Variants in PITHD1 observed in about 807,000 individuals in gnomAD.
PITHD1 encodes the protein PITH domain-containing protein 1.
In PITHD1, 8 loss-of-function variants were observed where a neutral mutation model predicts 27.5. The ratio of observed to expected loss-of-function variants is 0.29; its 90% CI spans 0.17 to 0.52. PITHD1 has a LOEUF of 0.52. Ranked by LOEUF, PITHD1 falls within the 20% of genes least tolerant of loss-of-function variation. The pLI is 0.96. For synonymous variants in PITHD1, 118 were observed against 106.8 expected (o/e 1.10, Z -0.64); for missense variants, 233 against 283.9 (o/e 0.82, Z 1.29).
chr1:23,782,534 A>G (rs1638618051), intron 3 of PITHD1, among the ~76,000 whole-genome samples: 1 of 152,100 alleles, frequency 6.6e-6, no homozygotes, highest in Non-Finnish European at 1.5e-5. Context: ...ATTAAAGGTT[A>G]TGGTGAATTA....
At chr1:23,779,333 C>T (rs185566048) in intron 1 of PITHD1, 105 bp from the exon 2 acceptor site, 13 of 846,024 alleles carry the variant, frequency 1.5e-5, no homozygotes, top group Non-Finnish European at 2.4e-5. Context: ...GAGAGTGACT[C>T]TTCCCATTGC....
intron 4 of PITHD1, 47 bp from the exon 5 acceptor site, chr1:23,786,268 T>C (rs1557468451): frequency 4.7e-6 from 4 of 849,476 alleles, no homozygotes; most frequent in Non-Finnish European, 7.8e-6. Flanking sequence ...GAGATACTCA[T>C]TGAACTATAA....
At chr1:23,784,677 T>A (rs1638658047) in intron 3 of PITHD1, among the ~76,000 whole-genome samples, 1 of 152,182 alleles carries the variant, frequency 6.6e-6, no homozygotes, top group Non-Finnish European at 1.5e-5. Context: ...AGACAGCTGC[T>A]TTTTAGATTA....
At position 23,778,646 on chromosome 1, in the gene PITHD1, A is replaced by C; in HGVS notation, c.131A>C (p.Asn44Thr). ...GACCTGGAGCGGCTGCAATGCCTTA[A>C]CGAGAGCCGCGAGGGCAGCGGCCGC... ...RIDLERLQCL[N>T]ESREGSGRGV... Residue 44 changes from asparagine (N) to threonine (T), a missense_variant, in exon 1 of 6, where the codon AAC becomes ACC. Coordinates refer to ENST00000246151, the MANE Select transcript of PITHD1 (RefSeq NM_020362.5). 1 of 1,330,364 alleles carries C rather than the reference A, an allele frequency of 7.5e-7. No individual in the cohort carries two copies. 82.4% of individuals were successfully genotyped at this position (1,330,364 alleles called of 1,614,324 possible). A position where few individuals can be genotyped will look rare whatever the true frequency, so the allele number is the denominator to read the frequency against.
chr1:23,780,019 C>G (rs535703437), intron 3 of PITHD1, 78 bp downstream of exon 3: 2 of 797,220 alleles, frequency 2.5e-6, no homozygotes, highest in Non-Finnish European at 3.9e-6. Flanking sequence ...AGAATAGTAT[C>G]ATTTTCTTCT....
chr1:23,780,248 T>G (rs779066973), intron 3 of PITHD1, among the ~76,000 whole-genome samples: 21 of 152,244 alleles, frequency 1.4e-4, no homozygotes, highest in Non-Finnish European at 2.9e-4. Flanking sequence ...TCTTAATAAC[T>G]AGCTGCAGAT....
Position 23,781,462 on chromosome 1 carries a change from C to CAA in PITHD1, c.320+1537_320+1538dup, listed in dbSNP as rs34492133. 2.2e-3 allele frequency among the ~76,000 whole-genome samples: 272 copies of CAA among 126,230 alleles called. 1 individual carries two copies. Among genetic ancestry groups the CAA allele is most frequent in the Middle Eastern group, 8.5e-3 (2 of 236 alleles). 82.8% of individuals were successfully genotyped at this position (126,230 alleles called of 152,430 possible). On this transcript the variant is annotated intron_variant, in intron 3 of 5. Coordinates refer to ENST00000246151, the MANE Select transcript of PITHD1 (RefSeq NM_020362.5). ...TGGGCAACAGAGTGAGACTCTGTCT[C>CAA]AAAAAAAAAAAAAAAAATTCATCTG...
chr1:23,780,835 A>G (rs1192029551), intron 3 of PITHD1, among the ~76,000 whole-genome samples: 2 of 151,946 alleles, frequency 1.3e-5, no homozygotes, highest in Admixed American at 1.3e-4. Flanking sequence ...AGATCTCGCC[A>G]CTGCACTCCA....
intron 3 of PITHD1, among the ~76,000 whole-genome samples, chr1:23,781,397 A>G (rs1638599548): frequency 6.6e-6 from 1 of 150,740 alleles, no homozygotes; most frequent in Non-Finnish European, 1.5e-5. Flanking sequence ...GCGGAGGTGC[A>G]GGTTGCAGTG....
Position 23,784,926 on chromosome 1 carries a change from A to G in PITHD1, c.321-749A>G, listed in dbSNP as rs1366974714. On this transcript the variant is annotated intron_variant, in intron 3 of 5. Coordinates refer to ENST00000246151, the MANE Select transcript of PITHD1 (RefSeq NM_020362.5). ...TGGCGTGGTTTTTGGACACAAAAAA[A>G]TGCTTGAGCATTGGGTTACCTGATC... 2.6e-5 allele frequency among the ~76,000 whole-genome samples: 4 copies of G among 152,232 alleles called. No individual in the cohort carries two copies. In the East Asian group the frequency reaches 7.7e-4, roughly 29 times the overall value.
intron 1 of PITHD1, 31 bp downstream of exon 1, chr1:23,778,744 G>T: frequency 8.1e-7 from 1 of 1,227,932 alleles, no homozygotes; most frequent in Non-Finnish European, 1.0e-6. Context: ...GGCGGGCGGG[G>T]CAGGGTGCGT....
Position 23,787,332 on chromosome 1 carries a change from C to G in PITHD1, c.592C>G (p.His198Asp). ...NYEASANPAD[H>D]RVHQVTPQTH... ...CGAAGCATCTGCCAACCCAGCAGACCATAGGGTCCATCAGGTTACCCCACA... is the reference window on the plus strand; with the variant it reads ...CGAAGCATCTGCCAACCCAGCAGACGATAGGGTCCATCAGGTTACCCCACA... Residue 198 changes from histidine (H) to aspartate (D), a missense_variant, in exon 6 of 6, where the codon CAT (histidine) becomes GAT (aspartate). Transcript: ENST00000246151. The G allele has an allele frequency of 6.2e-7, 1 of 1,612,994 alleles. No homozygotes were observed. Among genetic ancestry groups the G allele is most frequent in the Non-Finnish European group, 8.5e-7 (1 of 1,179,084 alleles).
intron 4 of PITHD1, among the ~76,000 whole-genome samples, 185 bp downstream of exon 4, chr1:23,785,964 A>C (rs1638675848): frequency 6.6e-6 from 1 of 152,218 alleles, no homozygotes; most frequent in African/African-American, 2.4e-5. Context: ...CTTGCAAGCA[A>C]TTGGCAGATC....
intron 1 of PITHD1, among the ~76,000 whole-genome samples, chr1:23,778,950 C>T (rs1255670718): frequency 6.6e-6 from 1 of 152,182 alleles, no homozygotes; most frequent in African/African-American, 2.4e-5. Flanking sequence ...GCCTAACGCT[C>T]TATTCCAGGG....
At chr1:23,781,462 CAAAA>C (rs34492133) in intron 3 of PITHD1, among the ~76,000 whole-genome samples, 2 of 126,352 alleles carry the variant, frequency 1.6e-5, no homozygotes, top group Non-Finnish European at 3.4e-5. Context: ...GACTCTGTCT[CAAAA>C]AAAAAAAAAA....
chr1:23,779,985 C>A, intron 3 of PITHD1, 44 bp downstream of exon 3: 1 of 1,195,338 alleles, frequency 8.4e-7, no homozygotes, highest in Non-Finnish European at 1.2e-6. Context: ...TCCTAATTCT[C>A]TTTTTCTGGT....
chr1:23,783,109 ATC>A (rs1261656643), intron 3 of PITHD1, among the ~76,000 whole-genome samples: 1 of 149,854 alleles, frequency 6.7e-6, no homozygotes, highest in African/African-American at 2.5e-5. Context: ...CCATTCTCCC[ATC>A]TCAGCCTCCT....
intron 4 of PITHD1, 52 bp downstream of exon 4, chr1:23,785,831 A>T (rs766486905): frequency 9.4e-7 from 1 of 1,059,706 alleles, no homozygotes; most frequent in South Asian, 1.3e-5. Context: ...AGGGCTTGCC[A>T]TTTATTTTTG....
chr1:23,787,478 C>T lies in PITHD1; in HGVS notation c.*102C>T. On this transcript the variant is annotated 3_prime_UTR_variant, in exon 6 of 6. Transcript: ENST00000246151. ...AGGCTCCAGAGAGAGTTGGCTGCCACAGCCTCTGCCAAGCTTTGTCTTTGG... is the reference window on the plus strand; with the variant it reads ...AGGCTCCAGAGAGAGTTGGCTGCCATAGCCTCTGCCAAGCTTTGTCTTTGG... 1 of 675,894 alleles carries T rather than the reference C, an allele frequency of 1.5e-6. No homozygotes were observed. 41.9% of individuals were successfully genotyped at this position (675,894 alleles called of 1,614,324 possible).
Sources: gnomAD v4.1 joint callset for allele counts (sites outside exome capture counted in the v4.1 genomes callset) on GRCh38, gnomAD v4.1.1 for gene constraint, MANE v1.5 for transcripts, NCBI Gene and HGNC (gene_info 2026-07-23, HGNC 2026-07-21) for gene names.